The following NEGR1 variants were observed in gnomAD, a reference collection of about 807,000 sequenced individuals.
NEGR1 encodes neuronal growth regulator 1, also known as IgLON family member 4.
Under a neutral mutation model 40.9 loss-of-function variants are expected in NEGR1, and 10 were observed. The observed-to-expected ratio is 0.24, with a 90% CI of 0.15 to 0.42. NEGR1 has a LOEUF of 0.42. Ranked by LOEUF, NEGR1 falls within the 10% of genes least tolerant of loss-of-function variation. The probability of loss-of-function intolerance (pLI) is 1.00; values close to 1 mark genes in which losing one functional copy is unlikely to be tolerated. For missense variants in NEGR1, 352 were observed against 438.9 expected, an observed-to-expected ratio of 0.80 and a Z score of 1.77; for synonymous variants, 185 against 166.8, an observed-to-expected ratio of 1.11 and a Z score of -0.84.
At chr1:71,714,584 T>C (rs936857032) in intron 3 of NEGR1, among the ~76,000 whole-genome samples, 6 of 152,188 alleles carry the variant, frequency 3.9e-5, no homozygotes, top group African/African-American at 4.8e-5. Context: ...AAATACACCA[T>C]GGCAAATGGG....
intron 1 of NEGR1, among the ~76,000 whole-genome samples, chr1:72,273,671 T>C (rs559415869): frequency 8.5e-5 from 13 of 152,092 alleles, no homozygotes; most frequent in Admixed American, 7.9e-4. Flanking sequence ...CCTTATATTT[T>C]AGTACATTTT....
intron 4 of NEGR1, among the ~76,000 whole-genome samples, chr1:71,618,076 G>A (rs112174728): frequency 1.3e-5 from 2 of 152,132 alleles, no homozygotes; most frequent in African/African-American, 4.8e-5. Flanking sequence ...GGAATTATGG[G>A]GGCGAAAAGT....
At chr1:71,837,280 T>C (rs1299790254) in intron 2 of NEGR1, among the ~76,000 whole-genome samples, 2 of 152,118 alleles carry the variant, frequency 1.3e-5, no homozygotes, top group African/African-American at 4.8e-5. Flanking sequence ...GTTACTTATA[T>C]CATCCTCGTT....
intron 4 of NEGR1, among the ~76,000 whole-genome samples, chr1:71,685,855 T>C (rs1258835574): frequency 6.6e-6 from 1 of 152,250 alleles, no homozygotes; most frequent in East Asian, 1.9e-4. Context: ...TAAATACTTT[T>C]TTGAAGAAAC....
At chr1:72,226,689 T>C (rs900786649) in intron 1 of NEGR1, among the ~76,000 whole-genome samples, 4 of 152,054 alleles carry the variant, frequency 2.6e-5, no homozygotes, top group African/African-American at 9.7e-5. Flanking sequence ...GTTCCTCAAA[T>C]ATTATTCATT....
chr1:71,843,620 T>C (rs1659314026), intron 2 of NEGR1, among the ~76,000 whole-genome samples: 1 of 152,090 alleles, frequency 6.6e-6, no homozygotes, highest in African/African-American at 2.4e-5. Context: ...AGGAGACAGT[T>C]GATAACAATT....
chr1:72,062,080 T>C (rs1353273022), intron 1 of NEGR1, among the ~76,000 whole-genome samples: 1 of 151,876 alleles, frequency 6.6e-6, no homozygotes, highest in East Asian at 1.9e-4. Flanking sequence ...TTACTTAGCA[T>C]GTCATTCAAG....
At chr1:72,053,359 T>A (rs1181433519) in intron 1 of NEGR1, among the ~76,000 whole-genome samples, 1 of 47,812 alleles carries the variant, frequency 2.1e-5, no homozygotes, top group Non-Finnish European at 5.7e-5. Context: ...AATTTAGGAT[T>A]TTTTTTTTTC....
intron 6 of NEGR1, among the ~76,000 whole-genome samples, chr1:71,441,815 C>G (rs1282162477): frequency 6.6e-6 from 1 of 152,088 alleles, no homozygotes; most frequent in Non-Finnish European, 1.5e-5. Flanking sequence ...ACTACATGGA[C>G]AAGCATTTAC....
chr1:71,973,619 A>G (rs1251301247), intron 1 of NEGR1, among the ~76,000 whole-genome samples: 1 of 152,234 alleles, frequency 6.6e-6, no homozygotes, highest in African/African-American at 2.4e-5. Flanking sequence ...TTATTTGATT[A>G]TGTAATTTAA....
At chr1:71,812,868 CT>C (rs1349491012) in intron 2 of NEGR1, among the ~76,000 whole-genome samples, 1 of 152,110 alleles carries the variant, frequency 6.6e-6, no homozygotes, top group Non-Finnish European at 1.5e-5. Context: ...TCTGTTCACT[CT>C]GATGATAGTT....
chr1:71,767,239 ACT>A (rs1656165079), intron 3 of NEGR1, among the ~76,000 whole-genome samples: 1 of 152,094 alleles, frequency 6.6e-6, no homozygotes. Context: ...CTTCATAGAG[ACT>A]TCTTGAATGG....
At chr1:71,923,898 A>G (rs993129401) in intron 2 of NEGR1, among the ~76,000 whole-genome samples, 1 of 151,276 alleles carries the variant, frequency 6.6e-6, no homozygotes, top group African/African-American at 2.4e-5. Context: ...CAAAGTTAAT[A>G]GGCACTTTCT....
At position 72,232,729 on chromosome 1, in the gene NEGR1, G is replaced by A. The variant is rs557838731; in HGVS notation, c.176+49590C>T. ...AATGCACTCCATTCTGTTGCCTTGG[G>A]CAGAGGATAATTATAGAGAAAATAG... On this transcript the variant is annotated intron_variant, in intron 1 of 6. Coordinates refer to ENST00000357731, the MANE Select transcript of NEGR1 (RefSeq NM_173808.3). Among the ~76,000 whole-genome samples, 3 of 152,088 alleles carry A rather than the reference G, an allele frequency of 2.0e-5. No homozygotes were observed. In the East Asian group the frequency reaches 5.8e-4, roughly 29 times the overall value.
chr1:72,040,724 G>T (rs959574528), intron 1 of NEGR1, among the ~76,000 whole-genome samples: 2 of 151,206 alleles, frequency 1.3e-5, no homozygotes, highest in African/African-American at 4.9e-5. Context: ...CAAGGTTCTT[G>T]AAATGAAATA....
intron 1 of NEGR1, among the ~76,000 whole-genome samples, chr1:72,239,782 A>G (rs1225998576): frequency 6.6e-6 from 1 of 151,720 alleles, no homozygotes; most frequent in Non-Finnish European, 1.5e-5. Context: ...AAAACTTCCA[A>G]AAAAAATTGA....
chr1:71,430,629 T>G (rs1450901787), intron 6 of NEGR1, among the ~76,000 whole-genome samples: 1 of 151,396 alleles, frequency 6.6e-6, no homozygotes, highest in African/African-American at 2.4e-5. Flanking sequence ...CTACATTTTC[T>G]GAAGTGGTAT....
At chr1:72,001,101 G>C (rs967301922) in intron 1 of NEGR1, among the ~76,000 whole-genome samples, 2 of 152,126 alleles carry the variant, frequency 1.3e-5, no homozygotes, top group African/African-American at 4.8e-5. Context: ...TGCACTAGGA[G>C]GACAGGGTAC....
At chr1:71,681,680 G>A (rs1246800756) in intron 4 of NEGR1, among the ~76,000 whole-genome samples, 1 of 152,046 alleles carries the variant, frequency 6.6e-6, no homozygotes, top group Non-Finnish European at 1.5e-5. Flanking sequence ...TTTGAATATT[G>A]CCTATTTCCC....
Sources: gnomAD v4.1 joint callset for allele counts (sites outside exome capture counted in the v4.1 genomes callset) on GRCh38, gnomAD v4.1.1 for gene constraint, MANE v1.5 for transcripts, NCBI Gene and HGNC (gene_info 2026-07-23, HGNC 2026-07-21) for gene names.